The following DCC variants were observed in gnomAD, a reference collection of about 807,000 sequenced individuals.
DCC encodes the protein DCC netrin 1 receptor, also known as netrin receptor DCC.
A neutral mutation model predicts 172.5 loss-of-function variants in DCC; 58 were observed. The ratio of observed to expected loss-of-function variants is 0.34; its 90% CI spans 0.27 to 0.42. The LOEUF (loss-of-function observed/expected upper bound fraction) is 0.42. Among genes scored for constraint, DCC ranks in the 10% least tolerant of loss-of-function variants. The probability of loss-of-function intolerance (pLI) is 1.00; values close to 1 mark genes in which losing one functional copy is unlikely to be tolerated. For synonymous variants in DCC, 709 were observed against 644.5 expected, an observed-to-expected ratio of 1.10 and a Z score of -1.52; for missense variants, 1,740 against 1,791.0, an observed-to-expected ratio of 0.97 and a Z score of 0.51.
intron 1 of DCC, among the ~76,000 whole-genome samples, chr18:52,464,205 A>G (rs1988715274): frequency 6.6e-6 from 1 of 152,302 alleles, no homozygotes; most frequent in Non-Finnish European, 1.5e-5. Context: ...ATATGCTTAC[A>G]AATTCATCCT....
At chr18:52,984,969 C>T (rs2041268946) in intron 5 of DCC, among the ~76,000 whole-genome samples, 1 of 151,908 alleles carries the variant, frequency 6.6e-6, no homozygotes. Flanking sequence ...ATGCCTTTAC[C>T]TTATCACTAA....
chr18:52,728,972 C>T (rs2036594966), intron 1 of DCC, among the ~76,000 whole-genome samples: 1 of 152,158 alleles, frequency 6.6e-6, no homozygotes, highest in South Asian at 2.1e-4. Flanking sequence ...AATCAAAAAG[C>T]ATGTACCTCT....
At chr18:52,908,308 G>A (rs762536503) in intron 3 of DCC, among the ~76,000 whole-genome samples, 1 of 152,306 alleles carries the variant, frequency 6.6e-6, no homozygotes, top group Non-Finnish European at 1.5e-5. Flanking sequence ...TGACTTAAAT[G>A]TATCAATAAC....
intron 1 of DCC, among the ~76,000 whole-genome samples, chr18:52,674,423 T>C (rs1240428292): frequency 2.0e-5 from 3 of 152,158 alleles, no homozygotes; most frequent in Non-Finnish European, 4.4e-5. Context: ...ACAGATTGGA[T>C]GGTGTCTACC....
chr18:53,424,194 T>C (rs1910780503), intron 21 of DCC, among the ~76,000 whole-genome samples: 2 of 152,194 alleles, frequency 1.3e-5, no homozygotes, highest in African/African-American at 4.8e-5. Context: ...AGAAAATTTA[T>C]AGATTTGAAT....
intron 2 of DCC, among the ~76,000 whole-genome samples, chr18:52,795,655 T>C (rs2037860619): frequency 6.6e-6 from 1 of 151,998 alleles, no homozygotes; most frequent in Non-Finnish European, 1.5e-5. Context: ...TTCTGTTTTC[T>C]TATTTTTTCT....
chr18:53,435,652 C>T (rs1466079760), intron 22 of DCC, among the ~76,000 whole-genome samples: 1 of 152,140 alleles, frequency 6.6e-6, no homozygotes, highest in African/African-American at 2.4e-5. Context: ...CTGCAGGGTA[C>T]ATTTAATTCT....
At chr18:52,394,277 T>C (rs1209031513) in intron 1 of DCC, among the ~76,000 whole-genome samples, 2 of 151,960 alleles carry the variant, frequency 1.3e-5, no homozygotes, top group Admixed American at 1.3e-4. Context: ...ATTATTATTA[T>C]TATTATTGAG....
At chr18:52,913,946 A>C (rs1369634953) in intron 3 of DCC, among the ~76,000 whole-genome samples, 2 of 152,128 alleles carry the variant, frequency 1.3e-5, no homozygotes, top group Non-Finnish European at 2.9e-5. Context: ...ACATAAAAAA[A>C]GACAAATTTA....
At chr18:52,542,915 C>T (rs1264533214) in intron 1 of DCC, among the ~76,000 whole-genome samples, 1 of 152,028 alleles carries the variant, frequency 6.6e-6, no homozygotes, top group Non-Finnish European at 1.5e-5. Flanking sequence ...AATGTTTATC[C>T]TGGAGAAGAA....
chr18:53,470,383 G>C (rs970936123), intron 25 of DCC, among the ~76,000 whole-genome samples: 2 of 152,074 alleles, frequency 1.3e-5, no homozygotes, highest in African/African-American at 4.8e-5. Flanking sequence ...GGTCAAAACT[G>C]TTCATCAAGT....
intron 1 of DCC, among the ~76,000 whole-genome samples, chr18:52,687,439 C>A (rs1322466437): frequency 6.6e-6 from 1 of 151,892 alleles, no homozygotes; most frequent in Non-Finnish European, 1.5e-5. Flanking sequence ...CACCTGCCAC[C>A]ATGCCCAGCT....
intron 1 of DCC, among the ~76,000 whole-genome samples, chr18:52,404,231 G>A (rs1465598735): frequency 6.6e-6 from 1 of 151,990 alleles, no homozygotes; most frequent in East Asian, 1.9e-4. Flanking sequence ...AAATGATTAT[G>A]TTCATAATGT....
intron 9 of DCC, among the ~76,000 whole-genome samples, chr18:53,200,343 A>T (rs1236388814): frequency 6.6e-6 from 1 of 152,226 alleles, no homozygotes; most frequent in Non-Finnish European, 1.5e-5. Context: ...AGTAACAATG[A>T]TGAATCAACA....
chr18:52,725,946 A>G (rs1023024376), intron 1 of DCC, among the ~76,000 whole-genome samples: 11 of 152,196 alleles, frequency 7.2e-5, no homozygotes, highest in African/African-American at 2.7e-4. Flanking sequence ...CTTCTTACAT[A>G]CATTATCTTA....
At chr18:53,103,677 G>A (rs901062202) in intron 7 of DCC, among the ~76,000 whole-genome samples, 4 of 151,998 alleles carry the variant, frequency 2.6e-5, no homozygotes, top group Admixed American at 1.3e-4. Flanking sequence ...TTCATGAAAC[G>A]CTTGATCCTT....
chr18:52,843,525 A>C (rs1253851660), intron 2 of DCC, among the ~76,000 whole-genome samples: 2 of 152,186 alleles, frequency 1.3e-5, no homozygotes, highest in Admixed American at 6.6e-5. Flanking sequence ...GTAAAGAAAA[A>C]CATAATTTTA....
At chr18:52,860,722 G>A (rs1015603663) in intron 2 of DCC, among the ~76,000 whole-genome samples, 5 of 152,140 alleles carry the variant, frequency 3.3e-5, no homozygotes, top group Admixed American at 6.5e-5. Context: ...TTTGCTAGCC[G>A]GGCGCTGTGC....
intron 12 of DCC, among the ~76,000 whole-genome samples, chr18:53,229,384 T>A (rs2056088107): frequency 6.6e-6 from 1 of 152,148 alleles, no homozygotes; most frequent in Non-Finnish European, 1.5e-5. Flanking sequence ...TATTAAAAAT[T>A]CAGTTACATA....
Sources: allele counts gnomAD v4.1 joint callset (sites outside exome capture counted in the v4.1 genomes callset), GRCh38; gene constraint gnomAD v4.1.1; transcripts MANE v1.5; gene names NCBI Gene and HGNC (gene_info 2026-07-23, HGNC 2026-07-21).